The following NPLOC4 variants were observed in gnomAD, a reference collection of about 807,000 sequenced individuals.
The protein encoded by NPLOC4 is nuclear protein localization protein 4 homolog.
A neutral mutation model predicts 80.6 loss-of-function variants in NPLOC4; 18 were observed. The observed-to-expected ratio is 0.22, with a 90% CI of 0.15 to 0.33. The LOEUF (loss-of-function observed/expected upper bound fraction) is 0.33. Among genes scored for constraint, NPLOC4 ranks in the 10% least tolerant of loss-of-function variants. NPLOC4 has a pLI of 1.00. For missense variants in NPLOC4, 540 were observed against 786.1 expected, an observed-to-expected ratio of 0.69 and a Z score of 3.74; for synonymous variants, 313 against 301.5, an observed-to-expected ratio of 1.04 and a Z score of -0.39.
rs1381270484 is a variant in NPLOC4, at chr17:81,572,436, C to A, written c.1282-348G>T. 1.3e-5 allele frequency among the ~76,000 whole-genome samples: 2 copies of A among 152,198 alleles called. No homozygotes were observed. The highest frequency in any genetic ancestry group is 2.4e-5 in the African/African-American group (1 of 41,440). ...TCGATCTCCTGACCTCGTGATCCAC[C>A]CGCCTCAGCCCCCCAAAGTGCTGGG... On this transcript the variant is annotated intron_variant, in intron 12 of 16. Coordinates refer to ENST00000331134, the MANE Select transcript of NPLOC4 (RefSeq NM_017921.4). The surrounding 1 kb of genome is among the most constrained non-coding windows in gnomAD (Gnocchi z 4.5).
chr17:81,580,398 G>A lies in NPLOC4; in HGVS notation c.1282-8310C>T, dbSNP rs550800785. Among the ~76,000 whole-genome samples the A allele has an allele frequency of 2.2e-4, 33 of 152,068 alleles. No individual in the cohort carries two copies. The highest frequency in any genetic ancestry group is 6.3e-4 in the African/African-American group (26 of 41,466). ...TACCCTAGTCTCCTTTTCCAGCTCCGAGCCCAGCAGCCAGAGTGATCGTCT... is the reference window on the plus strand; with the variant it reads ...TACCCTAGTCTCCTTTTCCAGCTCCAAGCCCAGCAGCCAGAGTGATCGTCT... On this transcript the variant is annotated intron_variant, in intron 12 of 16. Transcript: ENST00000331134. The surrounding 1 kb of genome is among the most constrained non-coding windows in gnomAD (Gnocchi z 4.4).
chr17:81,616,333 A>AAAAAAG lies in NPLOC4; in HGVS notation c.210-2845_210-2840dup, dbSNP rs1555686397. Among the ~76,000 whole-genome samples the AAAAAAG allele has an allele frequency of 3.5e-5, 4 of 115,636 alleles. 1 individual carries two copies. The highest frequency in any genetic ancestry group is 6.9e-5 in the African/African-American group (2 of 28,990). The allele number at this position is 115,636 out of a possible 152,430, so 75.9% of individuals were successfully genotyped here. ...AAGACTCTGTCTCAAAAAAAAAAAA[A>AAAAAAG]AAAAAGAAAAGCAAAGCTGCTAAAT... is the stretch of plus-strand genomic sequence containing the variant. On this transcript the variant is annotated intron_variant, in intron 3 of 16. Transcript: ENST00000331134.
chr17:81,571,907 A>AG, intron 13 of NPLOC4, 110 bp downstream of exon 13: 1 of 652,702 alleles, frequency 1.5e-6, no homozygotes, highest in East Asian at 3.1e-5. Context: ...CTCAAGGCAG[A>AG]GGGTGCCTTA....
intron 12 of NPLOC4, among the ~76,000 whole-genome samples, chr17:81,584,163 G>A (rs2034514964): frequency 6.6e-6 from 1 of 152,190 alleles, no homozygotes; most frequent in Non-Finnish European, 1.5e-5. Flanking sequence ...AAGTCCATGG[G>A]AGGACTAAAA....
chr17:81,635,935 G>A (rs1394234472), intron 1 of NPLOC4, among the ~76,000 whole-genome samples: 2 of 150,608 alleles, frequency 1.3e-5, no homozygotes, highest in African/African-American at 4.9e-5. Context: ...TTTCTGATTT[G>A]TCACTGATAT....
At chr17:81,623,825 T>C (rs2144307178) in intron 2 of NPLOC4, among the ~76,000 whole-genome samples, 1 of 152,126 alleles carries the variant, frequency 6.6e-6, no homozygotes, top group Middle Eastern at 3.4e-3. Context: ...TCAATTCCAA[T>C]TCTGAAACCT....
chr17:81,567,340 G>A lies in NPLOC4; in HGVS notation c.1566+77C>T, dbSNP rs2034039369. The A allele has an allele frequency of 1.1e-6, 1 of 874,742 alleles. No homozygotes were observed. The highest frequency in any genetic ancestry group is 1.9e-6 in the Non-Finnish European group (1 of 533,164). 54.2% of individuals were successfully genotyped at this position (874,742 alleles called of 1,614,324 possible). On this transcript the variant is annotated intron_variant, in intron 15 of 16. Transcript: ENST00000331134. The surrounding 1 kb of genome is among the most constrained non-coding windows in gnomAD (Gnocchi z 4.5). Reference sequence around the variant, plus strand: ...TCCCAATCATGCTCTGGTCTGGGAGGAAAGAAAGCAAGACACAGGCGTCTC... The same window carrying A: ...TCCCAATCATGCTCTGGTCTGGGAGAAAAGAAAGCAAGACACAGGCGTCTC...
chr17:81,599,990 T>C (rs1325551838), intron 9 of NPLOC4, among the ~76,000 whole-genome samples: 1 of 151,996 alleles, frequency 6.6e-6, no homozygotes, highest in Admixed American at 6.6e-5. Context: ...GGGACACACA[T>C]GCACAGAGGA....
Position 81,608,806 on chromosome 17 carries a change from T to C in NPLOC4, c.452A>G (p.Tyr151Cys). The change falls in exon 6 of 17, where the codon TAT (tyrosine) becomes TGT (cysteine). Residue 151 changes from tyrosine to cysteine, a missense_variant. Around this residue, in one of 6 missense-constraint regions of NPLOC4, gnomAD observed 61 missense variants for 156.7 expected, o/e 0.39. Coordinates refer to ENST00000331134, the MANE Select transcript of NPLOC4 (RefSeq NM_017921.4). The part of the protein sequence containing the change: ...CVPLEPFDED[Y>C]LNHLEPPVKH... ...CACGGGAGGCTCGAGATGGTTTAGATAGTCCTCATCGAATGGCTGCCAAGA... is the reference window on the plus strand; with the variant it reads ...CACGGGAGGCTCGAGATGGTTTAGACAGTCCTCATCGAATGGCTGCCAAGA... The C allele has an allele frequency of 1.3e-6, 2 of 1,584,960 alleles. No individual in the cohort carries two copies. Among genetic ancestry groups the C allele is most frequent in the Non-Finnish European group, 8.6e-7 (1 of 1,165,226 alleles).
intron 11 of NPLOC4, among the ~76,000 whole-genome samples, chr17:81,592,704 C>G (rs1390723671): frequency 6.6e-6 from 1 of 152,198 alleles, no homozygotes; most frequent in Non-Finnish European, 1.5e-5. Context: ...AGTAATTAGA[C>G]TGGGCACAGT....
chr17:81,559,021 G>A lies in NPLOC4; in HGVS notation c.*238C>T, dbSNP rs551959029. The A allele has an allele frequency of 1.9e-3, 1,003 of 514,816 alleles. 5 individuals are homozygous for A. Among genetic ancestry groups the A allele is most frequent in the Middle Eastern group, 0.018 (36 of 1,976 alleles). 31.9% of individuals were successfully genotyped at this position (514,816 alleles called of 1,614,324 possible). Reference sequence around the variant, plus strand: ...TCAACAGGATTAGGCGTGAGGAGCCGCTCTGCGTTTCCAGTCTGGAGACTG... The same window carrying A: ...TCAACAGGATTAGGCGTGAGGAGCCACTCTGCGTTTCCAGTCTGGAGACTG... On this transcript the variant is annotated 3_prime_UTR_variant, in exon 17 of 17. Coordinates refer to ENST00000331134, the MANE Select transcript of NPLOC4 (RefSeq NM_017921.4).
chr17:81,570,908 CACTAAGG>C (rs2034144730), intron 13 of NPLOC4, among the ~76,000 whole-genome samples: 1 of 152,060 alleles, frequency 6.6e-6, no homozygotes, highest in African/African-American at 2.4e-5. Context: ...TGAAAAACTG[CACTAAGG>C]CAAAAACTTA....
chr17:81,563,760 TA>T (rs1377889013), intron 16 of NPLOC4: 2 of 346,610 alleles, frequency 5.8e-6, no homozygotes, highest in Non-Finnish European at 1.1e-5. Context: ...ACAAAAATAT[TA>T]AAAAATTTTG....
At chr17:81,601,584 A>G (rs1486898429) in intron 8 of NPLOC4, among the ~76,000 whole-genome samples, 1 of 152,180 alleles carries the variant, frequency 6.6e-6, no homozygotes, top group African/African-American at 2.4e-5. Context: ...AGAACCGTTG[A>G]GCTCTCCATG....
chr17:81,621,013 A>T (rs531269519), intron 3 of NPLOC4, among the ~76,000 whole-genome samples: 1 of 151,934 alleles, frequency 6.6e-6, no homozygotes, highest in Non-Finnish European at 1.5e-5. Flanking sequence ...ACACGGTGAG[A>T]TTCTGTCTCA....
At chr17:81,614,888 A>G (rs1355543278) in intron 3 of NPLOC4, among the ~76,000 whole-genome samples, 1 of 152,176 alleles carries the variant, frequency 6.6e-6, no homozygotes, top group Non-Finnish European at 1.5e-5. Context: ...CCAACAAGAC[A>G]CACACACAGG....
chr17:81,631,528 T>A (rs1002540950), intron 1 of NPLOC4, among the ~76,000 whole-genome samples: 1 of 150,076 alleles, frequency 6.7e-6, no homozygotes, highest in Non-Finnish European at 1.5e-5. Context: ...CATTACTTTC[T>A]AAGACAACTT....
chr17:81,588,411 A>G (rs2034646737), intron 12 of NPLOC4, among the ~76,000 whole-genome samples: 1 of 152,168 alleles, frequency 6.6e-6, no homozygotes, highest in Non-Finnish European at 1.5e-5. Flanking sequence ...CCAGGCCTGT[A>G]GTGCAGTGGC....
At chr17:81,619,904 A>G (rs1014803750) in intron 3 of NPLOC4, among the ~76,000 whole-genome samples, 2 of 151,592 alleles carry the variant, frequency 1.3e-5, no homozygotes, top group South Asian at 4.2e-4. Flanking sequence ...GTGGGGGTAC[A>G]GCACCCCATG....
Sources: allele counts gnomAD v4.1 joint callset (sites outside exome capture counted in the v4.1 genomes callset), GRCh38; gene constraint gnomAD v4.1.1; regional missense constraint gnomAD v4.1.1; non-coding constraint Gnocchi (gnomAD v3.1); transcripts MANE v1.5; gene names NCBI Gene and HGNC (gene_info 2026-07-23, HGNC 2026-07-21).